The following OXSR1 variants were observed in gnomAD, a reference collection of about 807,000 sequenced individuals.
The protein encoded by OXSR1 is serine/threonine-protein kinase OSR1.
OXSR1 carries 24 observed loss-of-function variants against 79.8 expected under a neutral mutation model. That is an observed-to-expected ratio of 0.30 (90% CI 0.22 to 0.42). The LOEUF is 0.42. OXSR1 is among the 10% of genes least tolerant of loss of function. OXSR1 has a pLI of 1.00. For missense variants in OXSR1, 430 were observed against 618.4 expected (o/e 0.70, Z 3.23); for synonymous variants, 226 against 209.2 (o/e 1.08, Z -0.69).
At chr3:38,175,581 G>A (rs1701662032) in intron 1 of OXSR1, among the ~76,000 whole-genome samples, 1 of 152,226 alleles carries the variant, frequency 6.6e-6, no homozygotes, top group African/African-American at 2.4e-5. Context: ...GACTACAGGT[G>A]GGAGCCACAA....
chr3:38,194,585 T>C (rs1372432361), intron 3 of OXSR1, among the ~76,000 whole-genome samples: 1 of 151,578 alleles, frequency 6.6e-6, no homozygotes, highest in Admixed American at 6.6e-5. Context: ...CCAGGTGAAA[T>C]GGAGGCTGGA....
At chr3:38,210,778 T>C (rs1272095337) in intron 4 of OXSR1, among the ~76,000 whole-genome samples, 9 of 152,232 alleles carry the variant, frequency 5.9e-5, no homozygotes, top group African/African-American at 2.2e-4. Context: ...CTCTGATGGA[T>C]CTAAGAAGAG....
chr3:38,168,319 C>T lies in OXSR1; in HGVS notation c.70+2373C>T, dbSNP rs377290054. On this transcript the variant is annotated intron_variant, in intron 1 of 17. Coordinates refer to ENST00000311806, the MANE Select transcript of OXSR1 (RefSeq NM_005109.3). Reference sequence around the variant, plus strand: ...AGTTTTAGAATATTTCCATCATCCCCGTGAGATCTCTTGTGCTTTCTTACG... The same window carrying T: ...AGTTTTAGAATATTTCCATCATCCCTGTGAGATCTCTTGTGCTTTCTTACG... Among the ~76,000 whole-genome samples the T allele has an allele frequency of 5.1e-4, 78 of 152,244 alleles. 1 individual carries two copies. The South Asian group carries it at 0.013, about 25-fold the overall frequency.
At chr3:38,211,917 A>G (rs1390726028) in intron 4 of OXSR1, among the ~76,000 whole-genome samples, 1 of 152,170 alleles carries the variant, frequency 6.6e-6, no homozygotes, top group African/African-American at 2.4e-5. Flanking sequence ...AAGGGCCTGT[A>G]TAGTAGTGAT....
intron 10 of OXSR1, 34 bp downstream of exon 10, chr3:38,230,464 ATTTAC>A (rs758752842): frequency 8.6e-6 from 12 of 1,398,460 alleles, no homozygotes; most frequent in Admixed American, 3.5e-5. Context: ...TTCCTGAAGA[ATTTAC>A]TTTATTTTTG....
At chr3:38,169,609 G>GTTTTTTTTTT (rs1007606807) in intron 1 of OXSR1, among the ~76,000 whole-genome samples, 41 of 140,920 alleles carry the variant, frequency 2.9e-4, no homozygotes, top group African/African-American at 1.1e-3. Flanking sequence ...CTGGCTGTTC[G>GTTTTTTTTTT]TTTTTTTTTT....
intron 3 of OXSR1, among the ~76,000 whole-genome samples, chr3:38,192,955 T>C (rs1702009409): frequency 6.6e-6 from 1 of 152,228 alleles, no homozygotes; most frequent in African/African-American, 2.4e-5. Context: ...TTGCTGTATC[T>C]CACTGAACAC....
At chr3:38,208,402 C>T (rs61018091) in intron 4 of OXSR1, among the ~76,000 whole-genome samples, 12,834 of 152,082 alleles carry the variant, frequency 0.084, 706 homozygotes, top group African/African-American at 0.15. Context: ...TGGGGACCCT[C>T]GGTGTTTCCA....
At chr3:38,205,027 G>A (rs1702239855) in intron 4 of OXSR1, among the ~76,000 whole-genome samples, 1 of 152,178 alleles carries the variant, frequency 6.6e-6, no homozygotes, top group Admixed American at 6.5e-5. Flanking sequence ...GGCTAGAGCT[G>A]GTCTAAGTGC....
chr3:38,220,470 A>C (rs1702566837), intron 5 of OXSR1, among the ~76,000 whole-genome samples: 1 of 152,220 alleles, frequency 6.6e-6, no homozygotes, highest in Non-Finnish European at 1.5e-5. Flanking sequence ...ACACAAAACA[A>C]AAGGGGAGTC....
At chr3:38,167,788 C>T (rs1296722633) in intron 1 of OXSR1, among the ~76,000 whole-genome samples, 1 of 152,128 alleles carries the variant, frequency 6.6e-6, no homozygotes, top group Admixed American at 6.5e-5. Context: ...CTTCTGGTTC[C>T]CCCAGTCAGA....
At chr3:38,221,537 T>G (rs1417453994) in intron 5 of OXSR1, 41 bp from the exon 6 acceptor site, 1 of 1,024,956 alleles carries the variant, frequency 9.8e-7, no homozygotes, top group Admixed American at 1.7e-5. Flanking sequence ...TTTATGATAG[T>G]TGATGCACTT....
chr3:38,199,273 C>CTTT (rs762400923), intron 4 of OXSR1, among the ~76,000 whole-genome samples: 1 of 142,504 alleles, frequency 7.0e-6, no homozygotes, highest in Non-Finnish European at 1.5e-5. Context: ...AGCCTTTTTT[C>CTTT]TTTTTTTTTT....
chr3:38,178,858 T>C (rs1296229363), intron 1 of OXSR1, among the ~76,000 whole-genome samples: 4 of 151,656 alleles, frequency 2.6e-5, no homozygotes, highest in Admixed American at 2.6e-4. Context: ...AAATAACAGC[T>C]TTATTTTATT....
At chr3:38,180,223 G>A (rs769984895) in intron 1 of OXSR1, among the ~76,000 whole-genome samples, 4 of 152,076 alleles carry the variant, frequency 2.6e-5, no homozygotes, top group South Asian at 2.1e-4. Context: ...GATTACAGGC[G>A]TGAAACACTG....
chr3:38,196,204 A>T (rs2125818101), intron 3 of OXSR1, among the ~76,000 whole-genome samples: 1 of 152,312 alleles, frequency 6.6e-6, no homozygotes, highest in Non-Finnish European at 1.5e-5. Context: ...TTCCCTCATT[A>T]TTCCTACTTT....
intron 1 of OXSR1, among the ~76,000 whole-genome samples, chr3:38,178,315 T>C (rs1055397556): frequency 2.6e-5 from 4 of 152,206 alleles, no homozygotes; most frequent in African/African-American, 9.6e-5. Context: ...TGGTGTTGTA[T>C]GTATGGTTGT....
chr3:38,227,580 C>T (rs1177024504), intron 8 of OXSR1, among the ~76,000 whole-genome samples: 1 of 150,456 alleles, frequency 6.6e-6, no homozygotes, highest in African/African-American at 2.5e-5. Flanking sequence ...CACACACACA[C>T]ACACACAAAT....
chr3:38,205,640 G>C (rs1702252071), intron 4 of OXSR1, among the ~76,000 whole-genome samples: 1 of 152,198 alleles, frequency 6.6e-6, no homozygotes, highest in African/African-American at 2.4e-5. Context: ...TGTCACTTTA[G>C]TTGACAGTGT....
Sources: allele counts gnomAD v4.1 joint callset (sites outside exome capture counted in the v4.1 genomes callset), GRCh38; gene constraint gnomAD v4.1.1; transcripts MANE v1.5; gene names NCBI Gene and HGNC (gene_info 2026-07-23, HGNC 2026-07-21).